The following WWC2 variants were observed in gnomAD, a reference collection of about 807,000 sequenced individuals.
WWC2 encodes WW and C2 domain containing 2.
WWC2 carries 101 observed loss-of-function variants against 138.5 expected under a neutral mutation model. The observed-to-expected ratio is 0.73, with a 90% CI of 0.62 to 0.86. WWC2 has a LOEUF of 0.86. Among genes scored for constraint, WWC2 ranks in the 40% least tolerant of loss-of-function variants. The probability of loss-of-function intolerance (pLI) is 0.00; values close to 1 mark genes in which losing one functional copy is unlikely to be tolerated. For missense variants in WWC2, 1,420 were observed against 1,419.4 expected (o/e 1.00, Z -0.01); for synonymous variants, 558 against 538.4 (o/e 1.04, Z -0.50).
chr4:183,216,881 A>T (rs1735774463), intron 4 of WWC2, among the ~76,000 whole-genome samples: 1 of 152,210 alleles, frequency 6.6e-6, no homozygotes, highest in African/African-American at 2.4e-5. Context: ...TTGAGTAGCC[A>T]TGGTACACAA....
At chr4:183,174,231 A>G (rs1336279536) in intron 1 of WWC2, among the ~76,000 whole-genome samples, 1 of 152,222 alleles carries the variant, frequency 6.6e-6, no homozygotes, top group Non-Finnish European at 1.5e-5. Context: ...TTTCTAGAGA[A>G]TAAACCTTCT....
chr4:183,128,343 A>G (rs568800200), intron 1 of WWC2, among the ~76,000 whole-genome samples: 1 of 151,818 alleles, frequency 6.6e-6, no homozygotes, highest in African/African-American at 2.4e-5. Flanking sequence ...TCTCAAAGAA[A>G]AAAAAAAGAA....
chr4:183,224,743 T>C (rs1024568316), intron 4 of WWC2, among the ~76,000 whole-genome samples: 1 of 152,086 alleles, frequency 6.6e-6, no homozygotes, highest in Non-Finnish European at 1.5e-5. Flanking sequence ...GTATGTTTAG[T>C]AGAGATGAGG....
At chr4:183,175,542 C>T (rs754974183) in intron 1 of WWC2, among the ~76,000 whole-genome samples, 8 of 152,132 alleles carry the variant, frequency 5.3e-5, no homozygotes, top group Non-Finnish European at 1.0e-4. Context: ...GGATTACAGG[C>T]GTGAGCCACC....
chr4:183,224,964 C>T (rs1325617010), intron 4 of WWC2, among the ~76,000 whole-genome samples: 2 of 152,164 alleles, frequency 1.3e-5, no homozygotes, highest in African/African-American at 2.4e-5. Context: ...CACAACTTTT[C>T]CTATCTTGTG....
chr4:183,120,896 G>A (rs538763693), intron 1 of WWC2, among the ~76,000 whole-genome samples: 2 of 152,180 alleles, frequency 1.3e-5, no homozygotes, highest in Non-Finnish European at 2.9e-5. Flanking sequence ...TCACAGGCAT[G>A]AGCCACCATG....
At chr4:183,251,421 G>A (rs1736980037) in intron 8 of WWC2, among the ~76,000 whole-genome samples, 1 of 152,184 alleles carries the variant, frequency 6.6e-6, no homozygotes, top group Non-Finnish European at 1.5e-5. Flanking sequence ...ATTCTTTCGG[G>A]CTTGACTCTT....
Position 183,099,450 on chromosome 4 carries a change from C to G in WWC2, c.-42C>G, listed in dbSNP as rs1263610887. 4 of 1,224,744 alleles carry G rather than the reference C, an allele frequency of 3.3e-6. No homozygotes were observed. The highest frequency in any genetic ancestry group is 1.0e-6 in the Non-Finnish European group (1 of 975,716). The allele number at this position is 1,224,744 out of a possible 1,614,324, so 75.9% of individuals were successfully genotyped here. A position where few individuals can be genotyped will look rare whatever the true frequency, so the allele number is the denominator to read the frequency against. On this transcript the variant is annotated 5_prime_UTR_variant, in exon 1 of 23. Coordinates refer to ENST00000403733, the MANE Select transcript of WWC2 (RefSeq NM_024949.6). Reference sequence around the variant, plus strand: ...CCGCGTTCCCGCCGCGTCCCGCGCCCGGTACCTATGGAGGCGCCGCTCGCC... The same window carrying G: ...CCGCGTTCCCGCCGCGTCCCGCGCCGGGTACCTATGGAGGCGCCGCTCGCC...
Position 183,286,010 on chromosome 4 carries a change from C to A in WWC2, c.3092C>A (p.Ser1031Ter). The A allele has an allele frequency of 6.3e-7, 1 of 1,595,930 alleles. No homozygotes were observed. The highest frequency in any genetic ancestry group is 1.3e-5 in the African/African-American group (1 of 74,826). ...GACAGTTCAACCCTGGCTAAAAAAT[C>A]ACTGTTTGTGAGAAACTCCACCGAA... ...DSDSSTLAKK[S>*]LFVRNSTERR... Residue 1031 changes from serine to a stop codon, truncating the protein, a stop_gained, in exon 20 of 23, where the codon TCA becomes TAA. Transcript: ENST00000403733. LOFTEE classifies it high-confidence loss of function.
chr4:183,294,757 A>C (rs1279740139), intron 21 of WWC2, among the ~76,000 whole-genome samples: 3 of 83,768 alleles, frequency 3.6e-5, no homozygotes, highest in African/African-American at 9.4e-5. Context: ...TGTTTTCCTG[A>C]GTGTTTTTTT....
At chr4:183,258,533 A>G (rs1417253544) in intron 9 of WWC2, among the ~76,000 whole-genome samples, 1 of 152,244 alleles carries the variant, frequency 6.6e-6, no homozygotes, top group African/African-American at 2.4e-5. Flanking sequence ...TTTTCTCCAA[A>G]GAAAAGTGGC....
In WWC2 at chr4:183,317,481, A is replaced by G. The variant is rs968984679; in HGVS notation, c.*1752A>G. 1 of 152,644 alleles carries G rather than the reference A, an allele frequency of 6.6e-6. No individual in the cohort carries two copies. The highest frequency in any genetic ancestry group is 6.5e-5 in the Admixed American group (1 of 15,280). The allele number at this position is 152,644 out of a possible 1,614,324, so 9.5% of individuals were successfully genotyped here. On this transcript the variant is annotated 3_prime_UTR_variant, in exon 23 of 23. Coordinates refer to ENST00000403733, the MANE Select transcript of WWC2 (RefSeq NM_024949.6). Reference sequence around the variant, plus strand: ...TTCATTCTATTAGATGACTAAGGAAAACTAGAAAAAGAATACAGTTCACCC... The same window carrying G: ...TTCATTCTATTAGATGACTAAGGAAGACTAGAAAAAGAATACAGTTCACCC...
chr4:183,259,133 TG>T (rs1344069018), intron 9 of WWC2, among the ~76,000 whole-genome samples: 1 of 152,136 alleles, frequency 6.6e-6, no homozygotes. Context: ...GGACTAAAAT[TG>T]TTTCTTAATT....
In WWC2 at chr4:183,284,206, A is replaced by G; in HGVS notation, c.2884-20A>G. On this transcript the variant is annotated intron_variant, in intron 18 of 22. Transcript: ENST00000403733. ...TTACACATCTTTCAGCTCCTGACAAATTGTTAACTTCTCTTATAGGTTGAC... is the reference window on the plus strand; with the variant it reads ...TTACACATCTTTCAGCTCCTGACAAGTTGTTAACTTCTCTTATAGGTTGAC... 6.2e-7 allele frequency: 1 copy of G among 1,608,260 alleles called. No homozygotes were observed. Among genetic ancestry groups the G allele is most frequent in the Non-Finnish European group, 8.5e-7 (1 of 1,175,380 alleles).
At chr4:183,138,871 CG>C (rs1733205144) in intron 1 of WWC2, among the ~76,000 whole-genome samples, 1 of 152,076 alleles carries the variant, frequency 6.6e-6, no homozygotes, top group Non-Finnish European at 1.5e-5. Context: ...GCTGGAAATA[CG>C]TATGTATTTT....
At position 183,099,340 on chromosome 4, in the gene WWC2, C is replaced by G; in HGVS notation, c.-152C>G. The G allele has an allele frequency of 2.8e-6, 2 of 710,642 alleles. No individual in the cohort carries two copies. Among genetic ancestry groups the G allele is most frequent in the Non-Finnish European group, 3.7e-6 (2 of 542,630 alleles). 44.0% of individuals were successfully genotyped at this position (710,642 alleles called of 1,614,324 possible). ...ACAGCGTTTCCTGAGGCACCTCCCG[C>G]GCGTGGTTCCGCCGCGCCCCGCGCC... On this transcript the variant is annotated 5_prime_UTR_variant, in exon 1 of 23. Transcript: ENST00000403733.
chr4:183,264,915 A>G, intron 11 of WWC2, 63 bp from the exon 12 acceptor site: 4 of 1,510,364 alleles, frequency 2.6e-6, no homozygotes, highest in Non-Finnish European at 3.6e-6. Flanking sequence ...CTATGTATGT[A>G]TTTAATACTT....
chr4:183,188,643 CTTTT>C (rs11341026), intron 1 of WWC2, among the ~76,000 whole-genome samples: 2 of 79,752 alleles, frequency 2.5e-5, no homozygotes. Flanking sequence ...TTGCTCCTTT[CTTTT>C]TTTTTTTTTT....
At chr4:183,219,429 G>A (rs1026558965) in intron 4 of WWC2, among the ~76,000 whole-genome samples, 1 of 152,134 alleles carries the variant, frequency 6.6e-6, no homozygotes, top group African/African-American at 2.4e-5. Context: ...TCTTCAAGCA[G>A]AGGGAAAATG....
Sources: allele counts gnomAD v4.1 joint callset (sites outside exome capture counted in the v4.1 genomes callset), GRCh38; gene constraint gnomAD v4.1.1; transcripts MANE v1.5; gene names NCBI Gene and HGNC (gene_info 2026-07-23, HGNC 2026-07-21).